ATRNL1: variants seen among roughly 807,000 people sequenced by gnomAD.
ATRNL1 encodes the protein attractin like 1.
A neutral mutation model predicts 182.7 loss-of-function variants in ATRNL1; 95 were observed. The observed-to-expected ratio is 0.52, with a 90% CI of 0.44 to 0.62. The LOEUF is 0.62. Ranked by LOEUF, ATRNL1 falls within the 20% of genes least tolerant of loss-of-function variation. ATRNL1 has a pLI of 0.00. For synonymous variants in ATRNL1, 576 were observed against 568.3 expected (o/e 1.01, Z -0.19); for missense variants, 1,471 against 1,679.5 (o/e 0.88, Z 2.17).
chr10:115,575,434 A>C (rs1401083568), intron 26 of ATRNL1, among the ~76,000 whole-genome samples: 1 of 152,110 alleles, frequency 6.6e-6, no homozygotes, highest in African/African-American at 2.4e-5. Flanking sequence ...TCTTGCATTT[A>C]TTATCTGAAT....
At chr10:115,858,357 C>G (rs1951234335) in intron 28 of ATRNL1, among the ~76,000 whole-genome samples, 1 of 151,980 alleles carries the variant, frequency 6.6e-6, no homozygotes, top group Non-Finnish European at 1.5e-5. Flanking sequence ...TACTATACAG[C>G]CATAAAAAGG....
In ATRNL1 at chr10:115,271,165, T is replaced by TACACACACACACACACAC. The variant is rs59638255; in HGVS notation, c.2100+2739_2100+2756dup. 3.8e-3 allele frequency among the ~76,000 whole-genome samples: 556 copies of TACACACACACACACACAC among 146,006 alleles called. 4 individuals carry two copies. The highest frequency in any genetic ancestry group is 0.013 in the African/African-American group (505 of 39,002). On this transcript the variant is annotated intron_variant, in intron 13 of 28. Transcript: ENST00000355044. ...AAGAGAAGAAAGAAAACAAAGATAT[T>TACACACACACACACACAC]ACACACACACACACACACACACACA...
chr10:115,594,359 A>T (rs142744783), intron 26 of ATRNL1, among the ~76,000 whole-genome samples: 18 of 152,144 alleles, frequency 1.2e-4, no homozygotes, highest in African/African-American at 3.9e-4. Context: ...TTCTTTTTTA[A>T]TCTGGGAAAT....
intron 21 of ATRNL1, among the ~76,000 whole-genome samples, chr10:115,431,056 T>C (rs527304616): frequency 2.0e-5 from 3 of 152,266 alleles, no homozygotes; most frequent in Admixed American, 6.5e-5. Context: ...GTGTCTCTTA[T>C]GTTCTTGGCA....
chr10:115,699,612 C>T (rs1297060320), intron 26 of ATRNL1, among the ~76,000 whole-genome samples: 2 of 152,004 alleles, frequency 1.3e-5, no homozygotes, highest in Admixed American at 1.3e-4. Context: ...GTGAAAAAAG[C>T]AAGATATAAA....
chr10:115,127,247 T>A (rs1554873771), intron 3 of ATRNL1, among the ~76,000 whole-genome samples: 1 of 152,140 alleles, frequency 6.6e-6, no homozygotes, highest in African/African-American at 2.4e-5. Flanking sequence ...GCAAGGTGAC[T>A]TTAAGTGAAG....
chr10:115,136,502 G>T (rs1042290803), intron 5 of ATRNL1, among the ~76,000 whole-genome samples: 3 of 152,208 alleles, frequency 2.0e-5, no homozygotes, highest in African/African-American at 7.2e-5. Context: ...TGGACATTCT[G>T]TGGGTTTGGA....
chr10:115,405,272 C>T (rs1180649757), intron 20 of ATRNL1, among the ~76,000 whole-genome samples: 4 of 152,030 alleles, frequency 2.6e-5, no homozygotes, highest in Non-Finnish European at 4.4e-5. Flanking sequence ...GAAAATATAT[C>T]TGGTATATGT....
chr10:115,597,456 T>C (rs781856607), intron 26 of ATRNL1: 2 of 333,404 alleles, frequency 6.0e-6, no homozygotes, highest in African/African-American at 2.2e-5. Context: ...ATCTGTTGTG[T>C]GAATTAAAAT....
rs1412848642 is a variant in ATRNL1 at position 115,254,598 on chromosome 10, C to T, written c.1688-10595C>T. Among the ~76,000 whole-genome samples the T allele has an allele frequency of 2.0e-5, 3 of 152,280 alleles. No individual in the cohort carries two copies. In the East Asian group the frequency reaches 5.8e-4, roughly 29 times the overall value. ...CCATTCTGTAGGTTGCCTGTTCACT[C>T]TGATGGTAGTTTCTTTTGCTGTGCA... On this transcript the variant is annotated intron_variant, in intron 10 of 28. Transcript: ENST00000355044.
chr10:115,305,426 T>A (rs1258376269), intron 17 of ATRNL1, among the ~76,000 whole-genome samples: 6 of 152,126 alleles, frequency 3.9e-5, no homozygotes, highest in African/African-American at 1.4e-4. Flanking sequence ...CCTGTTGATA[T>A]CCTTTTTTAG....
At chr10:115,493,878 T>A (rs1849425288) in intron 24 of ATRNL1, among the ~76,000 whole-genome samples, 1 of 152,202 alleles carries the variant, frequency 6.6e-6, no homozygotes, top group African/African-American at 2.4e-5. Context: ...TGTTTAGCAT[T>A]TTTTTCTTAT....
chr10:115,523,619 A>G (rs1478347047), intron 25 of ATRNL1, among the ~76,000 whole-genome samples: 2 of 152,250 alleles, frequency 1.3e-5, no homozygotes, highest in Non-Finnish European at 2.9e-5. Flanking sequence ...GACACAATGT[A>G]GCAAAGTTCT....
chr10:115,389,540 G>GTGTGTA (rs1279140127), intron 19 of ATRNL1, among the ~76,000 whole-genome samples: 1 of 44,490 alleles, frequency 2.2e-5, no homozygotes, highest in African/African-American at 7.6e-5. Flanking sequence ...ATGTGTATGT[G>GTGTGTA]TATATATATA....
intron 26 of ATRNL1, among the ~76,000 whole-genome samples, chr10:115,638,410 T>C (rs2133850338): frequency 6.6e-6 from 1 of 152,330 alleles, no homozygotes; most frequent in East Asian, 1.9e-4. Context: ...GCTATATTAA[T>C]ATGTATAGTA....
chr10:115,110,869 T>G (rs1844227453), intron 1 of ATRNL1, among the ~76,000 whole-genome samples: 1 of 152,220 alleles, frequency 6.6e-6, no homozygotes, highest in African/African-American at 2.4e-5. Context: ...CTTGTGTACC[T>G]GTCTTTGATT....
At chr10:115,256,599 A>T (rs1483907354) in intron 10 of ATRNL1, among the ~76,000 whole-genome samples, 1 of 152,044 alleles carries the variant, frequency 6.6e-6, no homozygotes, top group Non-Finnish European at 1.5e-5. Context: ...TCTGGGATTC[A>T]TTGAGTTTTT....
At chr10:115,723,000 G>A (rs1947478172) in intron 26 of ATRNL1, among the ~76,000 whole-genome samples, 1 of 152,188 alleles carries the variant, frequency 6.6e-6, no homozygotes, top group South Asian at 2.1e-4. Flanking sequence ...GGATGAAACA[G>A]ATTCTTATAC....
At chr10:115,238,582 T>A (rs1554902059) in intron 9 of ATRNL1, among the ~76,000 whole-genome samples, 1 of 152,190 alleles carries the variant, frequency 6.6e-6, no homozygotes, top group African/African-American at 2.4e-5. Context: ...CCTTGTGTCC[T>A]GCAACCTTGC....
Sources: allele counts gnomAD v4.1 joint callset (sites outside exome capture counted in the v4.1 genomes callset), GRCh38; gene constraint gnomAD v4.1.1; transcripts MANE v1.5; gene names NCBI Gene and HGNC (gene_info 2026-07-23, HGNC 2026-07-21).